The following NTM variants were observed in gnomAD, a reference collection of about 807,000 sequenced individuals.
NTM encodes the protein IgLON family member 2.
NTM carries 13 observed loss-of-function variants against 42.1 expected under a neutral mutation model. The observed-to-expected ratio is 0.31, with a 90% confidence interval of 0.20 to 0.49. The LOEUF (loss-of-function observed/expected upper bound fraction) is 0.49, where lower values mean the gene tolerates loss of function less well. Among genes scored for constraint, NTM ranks in the 20% least tolerant of loss-of-function variants. The probability of loss-of-function intolerance (pLI) is 0.99; values close to 1 mark genes in which losing one functional copy is unlikely to be tolerated. For missense variants in NTM, 373 were observed against 452.8 expected, an observed-to-expected ratio of 0.82 and a Z score of 1.60; for synonymous variants, 187 against 179.2, an observed-to-expected ratio of 1.04 and a Z score of -0.35.
chr11:132,186,654 T>C (rs1478379791), intron 3 of NTM, among the ~76,000 whole-genome samples: 1 of 152,258 alleles, frequency 6.6e-6, no homozygotes, highest in Non-Finnish European at 1.5e-5. Flanking sequence ...CCTATTTTTT[T>C]TCTTTAACGA....
At chr11:131,811,954 A>C (rs1237647039) in intron 1 of NTM, among the ~76,000 whole-genome samples, 1 of 152,188 alleles carries the variant, frequency 6.6e-6, no homozygotes, top group Non-Finnish European at 1.5e-5. Flanking sequence ...TTCCTGGATC[A>C]AGTATTTACA....
intron 1 of NTM, among the ~76,000 whole-genome samples, chr11:131,808,877 T>C (rs1241823728): frequency 6.6e-6 from 1 of 152,222 alleles, no homozygotes; most frequent in African/African-American, 2.4e-5. Flanking sequence ...AAAAAGCTTA[T>C]TGGGGTCAGA....
At chr11:131,716,362 T>C (rs948086152) in intron 1 of NTM, among the ~76,000 whole-genome samples, 1 of 152,192 alleles carries the variant, frequency 6.6e-6, no homozygotes, top group African/African-American at 2.4e-5. Flanking sequence ...TAAGGTCATA[T>C]GGTTTTACTT....
intron 1 of NTM, among the ~76,000 whole-genome samples, chr11:131,403,940 G>T (rs1031973318): frequency 2.0e-5 from 3 of 152,044 alleles, no homozygotes; most frequent in Non-Finnish European, 2.9e-5. Context: ...TCCCCTCAAG[G>T]ATTTCAATCC....
intron 1 of NTM, among the ~76,000 whole-genome samples, chr11:131,693,958 T>C (rs2075112828): frequency 6.6e-6 from 1 of 152,218 alleles, no homozygotes; most frequent in Non-Finnish European, 1.5e-5. Flanking sequence ...AGAGTATACA[T>C]GAAGTATAGC....
chr11:131,508,801 C>A (rs373860767), intron 1 of NTM, among the ~76,000 whole-genome samples: 1 of 149,484 alleles, frequency 6.7e-6, no homozygotes, highest in Non-Finnish European at 1.5e-5. Flanking sequence ...AACCAAACAC[C>A]GCATATTCTC....
At chr11:131,669,575 G>C (rs117285754) in intron 1 of NTM, among the ~76,000 whole-genome samples, 2 of 152,254 alleles carry the variant, frequency 1.3e-5, no homozygotes, top group East Asian at 1.9e-4. Flanking sequence ...CACAGGTGAG[G>C]GGGGAGGGCA....
chr11:131,847,451 G>A (rs2045047378), intron 1 of NTM, among the ~76,000 whole-genome samples: 1 of 152,146 alleles, frequency 6.6e-6, no homozygotes, highest in Admixed American at 6.5e-5. Flanking sequence ...TTGTACATCT[G>A]TGCAAGGATA....
chr11:131,565,970 G>A (rs911452816), intron 1 of NTM, among the ~76,000 whole-genome samples: 2 of 152,132 alleles, frequency 1.3e-5, no homozygotes, highest in African/African-American at 4.8e-5. Context: ...AGAAAACACT[G>A]GGTTTTAGAA....
At chr11:131,455,116 G>T (rs1270209922) in intron 1 of NTM, among the ~76,000 whole-genome samples, 1 of 152,216 alleles carries the variant, frequency 6.6e-6, no homozygotes, top group East Asian at 1.9e-4. Flanking sequence ...GGCTCAGCAA[G>T]ACTTAAAATC....
rs2057680190 is a variant in NTM, at chr11:131,924,479, AG to A, written c.167+12832del. On this transcript the variant is annotated intron_variant, in intron 2 of 8. Coordinates refer to ENST00000683400, the MANE Select transcript of NTM (RefSeq NM_001352005.2). The stretch of plus-strand genomic sequence containing the variant: ...GAGCACAAACTCAGCTGCCTTTCCC[AG>A]CCTCTTTTGAATTTAGAGGTGACCA... 3.3e-5 allele frequency among the ~76,000 whole-genome samples: 5 copies of A among 152,274 alleles called. No individual in the cohort carries two copies. The East Asian group carries it at 9.7e-4, about 29-fold the overall frequency.
intron 1 of NTM, among the ~76,000 whole-genome samples, chr11:131,882,493 T>C (rs2049696811): frequency 6.6e-6 from 1 of 152,248 alleles, no homozygotes; most frequent in Non-Finnish European, 1.5e-5. Flanking sequence ...TCTGGAATAA[T>C]ATTTAATCCA....
intron 1 of NTM, among the ~76,000 whole-genome samples, chr11:131,386,057 G>A (rs1026271857): frequency 2.6e-5 from 4 of 152,290 alleles, no homozygotes; most frequent in Middle Eastern, 3.4e-3. Flanking sequence ...AATAGTGAAG[G>A]TAGAAACAAC....
chr11:132,277,978 A>G (rs2093797601), intron 4 of NTM, among the ~76,000 whole-genome samples: 1 of 152,324 alleles, frequency 6.6e-6, no homozygotes, highest in Middle Eastern at 3.4e-3. Flanking sequence ...AACTCGAAAA[A>G]TAATTGGTAT....
intron 1 of NTM, among the ~76,000 whole-genome samples, chr11:131,570,345 A>C (rs1444642786): frequency 6.6e-6 from 1 of 152,218 alleles, no homozygotes; most frequent in East Asian, 1.9e-4. Flanking sequence ...TTCCAGGAAC[A>C]TTCTCCATTC....
chr11:132,260,974 A>G (rs1337074656), intron 4 of NTM, among the ~76,000 whole-genome samples: 1 of 152,160 alleles, frequency 6.6e-6, no homozygotes, highest in East Asian at 1.9e-4. Context: ...CAGATGTGAA[A>G]TGGGGTCATG....
At chr11:132,277,773 G>A (rs2093786850) in intron 4 of NTM, among the ~76,000 whole-genome samples, 1 of 152,004 alleles carries the variant, frequency 6.6e-6, no homozygotes, top group South Asian at 2.1e-4. Flanking sequence ...AAATGAGATT[G>A]TTACAATATT....
chr11:131,749,015 C>CCTCAG (rs1345940602), intron 1 of NTM, among the ~76,000 whole-genome samples: 2 of 152,224 alleles, frequency 1.3e-5, no homozygotes, highest in Non-Finnish European at 2.9e-5. Flanking sequence ...TAGCATATGT[C>CCTCAG]CTCAGCACTT....
chr11:131,689,048 C>T (rs981322345), intron 1 of NTM, among the ~76,000 whole-genome samples: 4 of 150,840 alleles, frequency 2.7e-5, no homozygotes, highest in Non-Finnish European at 4.4e-5. Flanking sequence ...TCAGTGAAAA[C>T]GAGAGCTACC....
Sources: allele counts gnomAD v4.1 joint callset (sites outside exome capture counted in the v4.1 genomes callset), GRCh38; gene constraint gnomAD v4.1.1; transcripts MANE v1.5; gene names NCBI Gene and HGNC (gene_info 2026-07-23, HGNC 2026-07-21).